Variants in XRCC4 observed in about 807,000 individuals in gnomAD.
XRCC4 encodes X-ray repair cross complementing 4, also known as DNA repair protein XRCC4.
In XRCC4, 28 loss-of-function variants were observed where a neutral mutation model predicts 39.1. The observed-to-expected ratio is 0.72, with a 90% CI of 0.53 to 0.98. XRCC4 has a LOEUF of 0.98. Among genes scored for constraint, XRCC4 ranks in the 50% least tolerant of loss-of-function variants. The pLI, the probability that XRCC4 is intolerant of heterozygous loss-of-function variation, is 0.00. For missense variants in XRCC4, 350 were observed against 376.4 expected (o/e 0.93, Z 0.58); for synonymous variants, 123 against 126.4 (o/e 0.97, Z 0.18).
chr5:83,108,854 C>CTTT (rs370868182), intron 2 of XRCC4, among the ~76,000 whole-genome samples: 46,990 of 143,140 alleles, frequency 0.33, 8,306 homozygotes, highest in Non-Finnish European at 0.42. Flanking sequence ...TTATCTTCTT[C>CTTT]TTTTTTTTTT....
intron 7 of XRCC4, chr5:83,279,974 C>G: frequency 5.4e-6 from 1 of 186,900 alleles, no homozygotes; most frequent in South Asian, 1.2e-4. Flanking sequence ...CTGGACTATA[C>G]AACTTACATC....
intron 7 of XRCC4, among the ~76,000 whole-genome samples, chr5:83,299,533 T>C (rs1231556543): frequency 2.0e-5 from 3 of 152,142 alleles, no homozygotes; most frequent in African/African-American, 7.2e-5. Flanking sequence ...ATTAGACTTA[T>C]GTTATATCTT....
chr5:83,225,605 G>GAA lies in XRCC4; in HGVS notation c.745+20704_745+20705dup, dbSNP rs869143323. On this transcript the variant is annotated intron_variant, in intron 6 of 7. Transcript: ENST00000396027. ...TTGGTGCATCGCCAAATTTATTCCA[G>GAA]AAAAAAAAAAAAAAAAAAAAAGGAT... 4.8e-3 allele frequency among the ~76,000 whole-genome samples: 292 copies of GAA among 60,370 alleles called. 6 individuals are homozygous for GAA. In the East Asian group the frequency reaches 0.11, roughly 23 times the overall value. The allele number at this position is 60,370 out of a possible 152,430, so 39.6% of individuals were successfully genotyped here.
chr5:83,115,911 G>A (rs1327316361), intron 3 of XRCC4, among the ~76,000 whole-genome samples: 1 of 152,172 alleles, frequency 6.6e-6, no homozygotes, highest in East Asian at 1.9e-4. Flanking sequence ...GTTTATTCAT[G>A]GCTTGGCTTG....
intron 7 of XRCC4, among the ~76,000 whole-genome samples, chr5:83,286,779 C>G (rs1754748383): frequency 6.6e-6 from 1 of 151,998 alleles, no homozygotes; most frequent in Non-Finnish European, 1.5e-5. Flanking sequence ...GCTAGGAACA[C>G]AAAGTACCTG....
At chr5:83,305,758 C>G (rs1344818526) in intron 7 of XRCC4, among the ~76,000 whole-genome samples, 1 of 152,156 alleles carries the variant, frequency 6.6e-6, no homozygotes, top group African/African-American at 2.4e-5. Flanking sequence ...GTAACTAACT[C>G]TTCTTGATGT....
intron 6 of XRCC4, among the ~76,000 whole-genome samples, chr5:83,228,992 A>G (rs540910637): frequency 6.6e-6 from 1 of 151,932 alleles, no homozygotes; most frequent in South Asian, 2.1e-4. Flanking sequence ...TAATATTTAT[A>G]GTTCCTGTGG....
intron 6 of XRCC4, among the ~76,000 whole-genome samples, chr5:83,210,874 C>T (rs1580375464): frequency 1.3e-5 from 2 of 152,210 alleles, no homozygotes; most frequent in South Asian, 4.2e-4. Flanking sequence ...TCTCAAATGT[C>T]CCAAAGGTTG....
At chr5:83,369,441 C>T in the XRCC4 span, among the ~76,000 whole-genome samples, 1 of 152,068 alleles carries the variant, frequency 6.6e-6, no homozygotes, top group Admixed American at 6.6e-5. Flanking sequence ...TCTATTGTTC[C>T]CGTCTTGTGT....
chr5:83,300,009 A>G (rs1184470301), intron 7 of XRCC4, among the ~76,000 whole-genome samples: 1 of 152,194 alleles, frequency 6.6e-6, no homozygotes, highest in Non-Finnish European at 1.5e-5. Flanking sequence ...CTTAGTATGA[A>G]GATGTTTTTC....
At chr5:83,182,523 C>A (rs1297147879) in intron 3 of XRCC4, among the ~76,000 whole-genome samples, 2 of 152,200 alleles carry the variant, frequency 1.3e-5, no homozygotes, top group Non-Finnish European at 2.9e-5. Flanking sequence ...ATGAGGTAAT[C>A]TATACAAATC....
At chr5:83,224,287 T>C (rs1040346493) in intron 6 of XRCC4, among the ~76,000 whole-genome samples, 1 of 152,054 alleles carries the variant, frequency 6.6e-6, no homozygotes, top group Non-Finnish European at 1.5e-5. Flanking sequence ...ATATTTATTA[T>C]AGTCTTTTGT....
At chr5:83,242,160 CATT>C (rs1292035837) in intron 6 of XRCC4, among the ~76,000 whole-genome samples, 1 of 122,842 alleles carries the variant, frequency 8.1e-6, no homozygotes, top group Non-Finnish European at 1.7e-5. Flanking sequence ...CTCGTATACA[CATT>C]GTGTGTGTGT....
In XRCC4 at chr5:83,270,943, G is replaced by C. The variant is rs183059319; in HGVS notation, c.893+12266G>C. Among the ~76,000 whole-genome samples, 9 of 151,848 alleles carry C rather than the reference G, an allele frequency of 5.9e-5. No homozygotes were observed. The East Asian group carries it at 1.6e-3, about 26-fold the overall frequency. On this transcript the variant is annotated intron_variant, in intron 7 of 7. Transcript: ENST00000396027. Reference sequence around the variant, plus strand: ...TAGGATCATAGGCGCCCGCCACCATGCCCAGCTAATTTTTGTATTTTTAGT... The same window carrying C: ...TAGGATCATAGGCGCCCGCCACCATCCCCAGCTAATTTTTGTATTTTTAGT...
In XRCC4 at chr5:83,217,219, T is replaced by C. The variant is rs550008364; in HGVS notation, c.745+12298T>C. ...AAACACACAAAAAATTAGCCAGGCA[T>C]GGTGGCGTATGCCTGTAGTCCCAGC... On this transcript the variant is annotated intron_variant, in intron 6 of 7. Coordinates refer to ENST00000396027, the MANE Select transcript of XRCC4 (RefSeq NM_003401.5). 1.5e-4 allele frequency among the ~76,000 whole-genome samples: 23 copies of C among 152,004 alleles called. No homozygotes were observed. The East Asian group carries it at 4.1e-3, about 27-fold the overall frequency.
the XRCC4 span, among the ~76,000 whole-genome samples, chr5:83,363,546 C>A: frequency 1.3e-5 from 2 of 152,120 alleles, no homozygotes; most frequent in African/African-American, 4.8e-5. Flanking sequence ...ATGCTATTCC[C>A]AGCCTGCCTG....
chr5:83,258,724 A>T, intron 7 of XRCC4, 47 bp downstream of exon 7: 2 of 1,574,414 alleles, frequency 1.3e-6, no homozygotes, highest in South Asian at 2.3e-5. Flanking sequence ...CATTTTTGAA[A>T]ATCTAGCATA....
At chr5:83,179,154 G>C (rs1750093022) in intron 3 of XRCC4, among the ~76,000 whole-genome samples, 1 of 152,174 alleles carries the variant, frequency 6.6e-6, no homozygotes, top group Admixed American at 6.5e-5. Flanking sequence ...GTCATGAAGA[G>C]AAGAAGCATT....
intron 7 of XRCC4, among the ~76,000 whole-genome samples, chr5:83,307,476 T>C (rs763616397): frequency 2.6e-5 from 4 of 152,242 alleles, no homozygotes; most frequent in Non-Finnish European, 5.9e-5. Flanking sequence ...ATAGGATTTG[T>C]GTCTTAAGAG....
Sources: allele counts gnomAD v4.1 joint callset (sites outside exome capture counted in the v4.1 genomes callset), GRCh38; gene constraint gnomAD v4.1.1; transcripts MANE v1.5; gene names NCBI Gene and HGNC (gene_info 2026-07-23, HGNC 2026-07-21).